RAP2A: variants seen among roughly 807,000 people sequenced by gnomAD.
RAP2A encodes ras-related protein Rap-2a.
Under a neutral mutation model 15.1 loss-of-function variants are expected in RAP2A, and 5 were observed. The observed-to-expected ratio is 0.33, with a 90% CI of 0.17 to 0.70. The LOEUF (loss-of-function observed/expected upper bound fraction) is 0.70. Among genes scored for constraint, RAP2A ranks in the 30% least tolerant of loss-of-function variants. The pLI is 0.68. For missense variants in RAP2A, 111 were observed against 240.3 expected, an observed-to-expected ratio of 0.46 and a Z score of 3.56; for synonymous variants, 110 against 99.7, an observed-to-expected ratio of 1.10 and a Z score of -0.62.
chr13:97,467,141 A>G lies in RAP2A; in HGVS notation c.*2699A>G, dbSNP rs1351844028. The G allele has an allele frequency of 1.3e-5, 2 of 152,326 alleles. No individual in the cohort carries two copies. Among genetic ancestry groups the G allele is most frequent in the South Asian group, 2.1e-4 (1 of 4,818 alleles). 9.4% of individuals were successfully genotyped at this position (152,326 alleles called of 1,614,324 possible). A position where few individuals can be genotyped will look rare whatever the true frequency, so the allele number is the denominator to read the frequency against. ...CTTTTTCTTTAGCTCTTGTGATAAG[A>G]TTTTCTTTTTTTTACTTTTATACAA... On this transcript the variant is annotated 3_prime_UTR_variant, in exon 2 of 2. Transcript: ENST00000245304.
chr13:97,445,851 T>C (rs2153179477), intron 1 of RAP2A, among the ~76,000 whole-genome samples: 1 of 152,260 alleles, frequency 6.6e-6, no homozygotes, highest in Middle Eastern at 3.4e-3. Flanking sequence ...CTCCCAGAGG[T>C]ATATACATTT....
chr13:97,452,129 T>G (rs2040241585), intron 1 of RAP2A, among the ~76,000 whole-genome samples: 1 of 151,354 alleles, frequency 6.6e-6, no homozygotes. Context: ...AAATTCTTAA[T>G]TTTATTGAAG....
intron 1 of RAP2A, among the ~76,000 whole-genome samples, chr13:97,440,121 T>A (rs2066651028): frequency 6.6e-6 from 1 of 151,636 alleles, no homozygotes; most frequent in East Asian, 2.1e-4. Flanking sequence ...CCCAAGTAAG[T>A]GAAACTTCTG....
intron 1 of RAP2A, among the ~76,000 whole-genome samples, chr13:97,451,275 A>G (rs2066701448): frequency 6.6e-6 from 1 of 152,140 alleles, no homozygotes; most frequent in African/African-American, 2.4e-5. Flanking sequence ...TTTATGCAGT[A>G]AAGTGCACAA....
At chr13:97,440,118 A>T (rs2066651001) in intron 1 of RAP2A, among the ~76,000 whole-genome samples, 2 of 151,706 alleles carry the variant, frequency 1.3e-5, no homozygotes, top group African/African-American at 4.8e-5. Context: ...TGTCCCAAGT[A>T]AGTGAAACTT....
intron 1 of RAP2A, among the ~76,000 whole-genome samples, chr13:97,447,575 T>A (rs1412195678): frequency 6.6e-6 from 1 of 152,224 alleles, no homozygotes; most frequent in Non-Finnish European, 1.5e-5. Flanking sequence ...AGACCCCTTA[T>A]GCATCAAATC....
intron 1 of RAP2A, among the ~76,000 whole-genome samples, chr13:97,445,390 A>C (rs2066675341): frequency 6.6e-6 from 1 of 152,240 alleles, no homozygotes; most frequent in Admixed American, 6.5e-5. Context: ...ACATACATAC[A>C]TGCATACATA....
intron 1 of RAP2A, among the ~76,000 whole-genome samples, chr13:97,451,161 T>TG (rs1230100910): frequency 6.6e-6 from 1 of 152,210 alleles, no homozygotes; most frequent in Non-Finnish European, 1.5e-5. Context: ...AACAGGCATG[T>TG]GCATGCAATT....
intron 1 of RAP2A, among the ~76,000 whole-genome samples, chr13:97,436,671 C>T (rs1284799329): frequency 1.3e-5 from 2 of 152,128 alleles, no homozygotes; most frequent in African/African-American, 2.4e-5. Flanking sequence ...TTAGTCTAAA[C>T]TCAGCATATT....
Position 97,451,426 on chromosome 13 carries a change from T to C in RAP2A, c.315-12779T>C, listed in dbSNP as rs1054515298. Among the ~76,000 whole-genome samples the C allele has an allele frequency of 3.3e-5, 5 of 152,254 alleles. 1 individual carries two copies. In the Middle Eastern group the frequency reaches 0.01, roughly 311 times the overall value. Reference sequence around the variant, plus strand: ...CTCAGAGACCACCATAAATGAGTCATGCCTAGTAATGAACTTCTGGCTTCC... The same window carrying C: ...CTCAGAGACCACCATAAATGAGTCACGCCTAGTAATGAACTTCTGGCTTCC... On this transcript the variant is annotated intron_variant, in intron 1 of 1. Coordinates refer to ENST00000245304, the MANE Select transcript of RAP2A (RefSeq NM_021033.7).
intron 1 of RAP2A, among the ~76,000 whole-genome samples, chr13:97,454,412 G>T: frequency 6.7e-6 from 1 of 150,308 alleles, no homozygotes; most frequent in African/African-American, 2.5e-5. Context: ...CTTCTTTCTG[G>T]TTATGTCTAA....
intron 1 of RAP2A, 25 bp from the exon 2 acceptor site, chr13:97,464,180 G>A: frequency 6.2e-7 from 1 of 1,609,680 alleles, no homozygotes. Context: ...TACAATGTAT[G>A]TGTGTTTTGT....
At chr13:97,463,269 T>C (rs2066756057) in intron 1 of RAP2A, among the ~76,000 whole-genome samples, 1 of 152,238 alleles carries the variant, frequency 6.6e-6, no homozygotes, top group Non-Finnish European at 1.5e-5. Context: ...TGTTGTGAAA[T>C]GTGCTACATG....
chr13:97,459,495 C>T (rs2066737645), intron 1 of RAP2A, among the ~76,000 whole-genome samples: 1 of 152,196 alleles, frequency 6.6e-6, no homozygotes, highest in African/African-American at 2.4e-5. Context: ...TTCAAATGAG[C>T]ATTTCCTCCA....
At chr13:97,455,999 G>A (rs539057871) in intron 1 of RAP2A, among the ~76,000 whole-genome samples, 3 of 151,284 alleles carry the variant, frequency 2.0e-5, no homozygotes, top group East Asian at 1.9e-4. Context: ...CACTCTCTTC[G>A]GGACTGAGGG....
At chr13:97,461,560 A>G (rs1347682793) in intron 1 of RAP2A, among the ~76,000 whole-genome samples, 2 of 152,236 alleles carry the variant, frequency 1.3e-5, no homozygotes, top group Admixed American at 6.5e-5. Flanking sequence ...CTTGATTTTA[A>G]TAATGTATCA....
In RAP2A at chr13:97,452,376, A is replaced by C. The variant is rs1265346362; in HGVS notation, c.315-11829A>C. Among the ~76,000 whole-genome samples, 2 of 151,180 alleles carry C rather than the reference A, an allele frequency of 1.3e-5. 1 individual carries two copies. Among genetic ancestry groups the C allele is most frequent in the Non-Finnish European group, 3.0e-5 (2 of 67,786 alleles). On this transcript the variant is annotated intron_variant, in intron 1 of 1. Transcript: ENST00000245304. The stretch of plus-strand genomic sequence containing the variant: ...TCAGTTGACCCAACATCATTTATAT[A>C]AAGGACCATCTCCCCAGTAAATTGT...
intron 1 of RAP2A, among the ~76,000 whole-genome samples, chr13:97,455,522 T>C (rs2066719245): frequency 6.6e-6 from 1 of 151,486 alleles, no homozygotes; most frequent in South Asian, 2.1e-4. Context: ...ATTTCTTTTT[T>C]CCTTTTAGCC....
At chr13:97,452,941 T>C (rs921981512) in intron 1 of RAP2A, among the ~76,000 whole-genome samples, 1 of 151,408 alleles carries the variant, frequency 6.6e-6, no homozygotes, top group Non-Finnish European at 1.5e-5. Flanking sequence ...CTAATTGTTT[T>C]CTAATTCTAA....
Sources: gnomAD v4.1 joint callset for allele counts (sites outside exome capture counted in the v4.1 genomes callset) on GRCh38, gnomAD v4.1.1 for gene constraint, MANE v1.5 for transcripts, NCBI Gene and HGNC (gene_info 2026-07-23, HGNC 2026-07-21) for gene names.